The following CDH12 variants were observed in gnomAD, a reference collection of about 807,000 sequenced individuals.
CDH12 encodes the protein cadherin-12.
In CDH12, 41 loss-of-function variants were observed where a neutral mutation model predicts 74.1. That is an observed-to-expected ratio of 0.55 (90% confidence interval 0.43 to 0.72). The LOEUF (loss-of-function observed/expected upper bound fraction) is 0.72, where lower values mean the gene tolerates loss of function less well. Among genes scored for constraint, CDH12 ranks in the 30% least tolerant of loss-of-function variants. The pLI, the probability that CDH12 is intolerant of heterozygous loss-of-function variation, is 0.00. For synonymous variants in CDH12, 399 were observed against 355.0 expected (o/e 1.12, Z -1.39); for missense variants, 945 against 977.2 (o/e 0.97, Z 0.44).
At chr5:22,112,756 G>A (rs1169931169) in intron 4 of CDH12, among the ~76,000 whole-genome samples, 4 of 152,056 alleles carry the variant, frequency 2.6e-5, no homozygotes, top group African/African-American at 9.7e-5. Context: ...TCAGAGAAAC[G>A]TTTTGAAGTA....
intron 2 of CDH12, among the ~76,000 whole-genome samples, chr5:22,426,588 G>A (rs1237355062): frequency 1.3e-5 from 2 of 152,024 alleles, no homozygotes; most frequent in African/African-American, 4.8e-5. Context: ...TTTAGTTTGT[G>A]GATAAATATA....
intron 1 of CDH12, among the ~76,000 whole-genome samples, chr5:22,808,099 A>G (rs966897227): frequency 1.8e-4 from 27 of 152,328 alleles, no homozygotes; most frequent in African/African-American, 6.0e-4. Flanking sequence ...CTGCATTTAC[A>G]TGAAATGATT....
chr5:22,728,954 C>T lies in CDH12; in HGVS notation c.-523+124104G>A, dbSNP rs375781153. 2.6e-5 allele frequency among the ~76,000 whole-genome samples: 4 copies of T among 151,926 alleles called. No individual in the cohort carries two copies. The East Asian group carries it at 7.8e-4, about 30-fold the overall frequency. On this transcript the variant is annotated intron_variant, in intron 1 of 14. Coordinates refer to ENST00000382254, the MANE Select transcript of CDH12 (RefSeq NM_004061.5). ...ATGCAATCCATAACAGCCTCCTAGT[C>T]TCCTCTGGATTAGCAAATGTCTCCA...
At chr5:21,900,634 T>A (rs756562068) in intron 6 of CDH12, among the ~76,000 whole-genome samples, 13 of 152,178 alleles carry the variant, frequency 8.5e-5, no homozygotes, top group Non-Finnish European at 1.8e-4. Context: ...CTTTTTTCAC[T>A]AAGGGTGGCC....
At chr5:22,835,871 G>A (rs1042492154) in intron 1 of CDH12, among the ~76,000 whole-genome samples, 2 of 152,152 alleles carry the variant, frequency 1.3e-5, no homozygotes, top group African/African-American at 4.8e-5. Context: ...TAAAGAGCCA[G>A]CAATTAACTT....
At chr5:22,369,394 C>T (rs1393100907) in intron 3 of CDH12, among the ~76,000 whole-genome samples, 1 of 151,886 alleles carries the variant, frequency 6.6e-6, no homozygotes, top group Non-Finnish European at 1.5e-5. Context: ...ACACTATAAA[C>T]ACATTTTTCC....
chr5:22,622,043 A>C (rs1228661232), intron 1 of CDH12, among the ~76,000 whole-genome samples: 1 of 152,158 alleles, frequency 6.6e-6, no homozygotes, highest in East Asian at 1.9e-4. Flanking sequence ...TTTCTTAAGA[A>C]AGCTAAACTG....
At chr5:22,768,071 AG>A (rs1229329984) in intron 1 of CDH12, among the ~76,000 whole-genome samples, 5 of 152,150 alleles carry the variant, frequency 3.3e-5, no homozygotes, top group African/African-American at 1.2e-4. Flanking sequence ...TTATTATCTA[AG>A]TATACTTACT....
Position 21,842,173 on chromosome 5 carries a change from G to A in CDH12, c.802C>T (p.Arg268Ter), listed in dbSNP as rs773228403. Residue 268 changes from arginine (R) to a stop codon, truncating the protein, a stop_gained, in exon 8 of 15, where the codon CGA becomes TGA. Coordinates refer to ENST00000382254, the MANE Select transcript of CDH12 (RefSeq NM_004061.5). LOFTEE classifies it high-confidence loss of function. Reference protein sequence around the residue: ...TLTDVNDNPPRFPKSIFHLKV... With the variant: ...TLTDVNDNPP ...AAAGGTGACATACTTTTGGGGAATC[G>A]AGGTGGATTGTCATTGACATCGGTG... The A allele has an allele frequency of 4.4e-6, 7 of 1,608,278 alleles. No homozygotes were observed. Among genetic ancestry groups the A allele is most frequent in the Non-Finnish European group, 5.1e-6 (6 of 1,177,970 alleles).
chr5:22,252,324 A>G (rs1753165036), intron 3 of CDH12, among the ~76,000 whole-genome samples: 1 of 152,076 alleles, frequency 6.6e-6, no homozygotes, highest in South Asian at 2.1e-4. Context: ...TTGTTAATGT[A>G]TAATCAGTAC....
chr5:21,798,225 A>G (rs1222367610), intron 10 of CDH12, among the ~76,000 whole-genome samples: 1 of 147,906 alleles, frequency 6.8e-6, no homozygotes, highest in Non-Finnish European at 1.5e-5. Context: ...AGAATACCTA[A>G]CAAATATTTG....
At chr5:22,218,235 G>A (rs921641499) in intron 3 of CDH12, among the ~76,000 whole-genome samples, 3 of 151,474 alleles carry the variant, frequency 2.0e-5, no homozygotes, top group Non-Finnish European at 4.4e-5. Context: ...CAGCCATCTC[G>A]CTCTGAAGTA....
At chr5:22,104,565 T>G (rs1359614375) in intron 4 of CDH12, among the ~76,000 whole-genome samples, 4 of 152,148 alleles carry the variant, frequency 2.6e-5, no homozygotes, top group Non-Finnish European at 5.9e-5. Flanking sequence ...TTCTAAGAAT[T>G]TACAATAGGA....
intron 1 of CDH12, among the ~76,000 whole-genome samples, chr5:22,747,967 T>A (rs1410558372): frequency 1.3e-5 from 2 of 152,210 alleles, no homozygotes; most frequent in African/African-American, 4.8e-5. Flanking sequence ...AGAGAAGAAT[T>A]GGTTCCCATA....
chr5:22,617,319 C>T (rs1737741801), intron 1 of CDH12, among the ~76,000 whole-genome samples: 1 of 152,046 alleles, frequency 6.6e-6, no homozygotes, highest in African/African-American at 2.4e-5. Flanking sequence ...GTTAGACTTC[C>T]CAGCCTCTGA....
At chr5:21,993,436 G>A (rs937859851) in intron 5 of CDH12, among the ~76,000 whole-genome samples, 2 of 152,074 alleles carry the variant, frequency 1.3e-5, no homozygotes, top group African/African-American at 4.8e-5. Flanking sequence ...CATGAGACCT[G>A]TAAAGCAGAA....
chr5:21,947,164 T>C (rs534172246), intron 6 of CDH12, among the ~76,000 whole-genome samples: 2 of 152,330 alleles, frequency 1.3e-5, no homozygotes, highest in African/African-American at 4.8e-5. Flanking sequence ...CTTTCTTTTA[T>C]AAATTACCCT....
intron 2 of CDH12, among the ~76,000 whole-genome samples, chr5:22,468,939 AT>A (rs1745847600): frequency 6.6e-6 from 1 of 152,168 alleles, no homozygotes; most frequent in African/African-American, 2.4e-5. Context: ...ACAATTGAAT[AT>A]TTTTAACTGT....
chr5:22,732,029 G>A (rs1198902425), intron 1 of CDH12, among the ~76,000 whole-genome samples: 1 of 151,816 alleles, frequency 6.6e-6, no homozygotes, highest in Admixed American at 6.6e-5. Context: ...AACTTCGTAT[G>A]CTGAAGTCTT....
Sources: allele counts gnomAD v4.1 joint callset (sites outside exome capture counted in the v4.1 genomes callset), GRCh38; gene constraint gnomAD v4.1.1; transcripts MANE v1.5; gene names NCBI Gene and HGNC (gene_info 2026-07-23, HGNC 2026-07-21).